Variants in POU2F1 observed in about 807,000 individuals in gnomAD.
The protein encoded by POU2F1 is POU class 2 homeobox 1.
Under a neutral mutation model 84.9 loss-of-function variants are expected in POU2F1, and 16 were observed. The observed-to-expected ratio is 0.19, with a 90% confidence interval of 0.13 to 0.29. The LOEUF (loss-of-function observed/expected upper bound fraction) is 0.29, where lower values mean the gene tolerates loss of function less well. Ranked by LOEUF, POU2F1 falls within the 10% of genes least tolerant of loss-of-function variation. The pLI is 1.00. For synonymous variants in POU2F1, 368 were observed against 368.3 expected (o/e 1.00, Z 0.01); for missense variants, 738 against 942.6 (o/e 0.78, Z 2.84).
At chr1:167,312,063 T>C (rs1484813699) in intron 1 of POU2F1, among the ~76,000 whole-genome samples, 1 of 151,812 alleles carries the variant, frequency 6.6e-6, no homozygotes, top group East Asian at 1.9e-4. Flanking sequence ...GCCTCCTGAG[T>C]AACTGGAATT....
intron 1 of POU2F1, among the ~76,000 whole-genome samples, chr1:167,227,043 C>CCCGGGG: frequency 6.6e-6 from 1 of 152,146 alleles, no homozygotes; most frequent in Non-Finnish European, 1.5e-5. Context: ...ACTGTGGCCT[C>CCCGGGG]CCCAAGTGCT....
intron 3 of POU2F1, among the ~76,000 whole-genome samples, chr1:167,368,204 A>G (rs990669581): frequency 3.9e-5 from 6 of 152,146 alleles, no homozygotes; most frequent in African/African-American, 1.4e-4. Context: ...CTTTCATGAT[A>G]TTGGCATTTT....
At chr1:167,324,059 G>A (rs939298444) in intron 1 of POU2F1, among the ~76,000 whole-genome samples, 2 of 152,132 alleles carry the variant, frequency 1.3e-5, no homozygotes, top group East Asian at 3.8e-4. Flanking sequence ...TGATGTTTCT[G>A]TGAAAATTAA....
intron 1 of POU2F1, among the ~76,000 whole-genome samples, chr1:167,269,874 A>G (rs1328033100): frequency 6.7e-6 from 1 of 150,146 alleles, no homozygotes; most frequent in Admixed American, 6.7e-5. Context: ...AGATCCCGCC[A>G]CTGCACTCCA....
At chr1:167,280,280 A>G (rs1653038686) in intron 1 of POU2F1, among the ~76,000 whole-genome samples, 2 of 151,340 alleles carry the variant, frequency 1.3e-5, no homozygotes, top group Admixed American at 6.6e-5. Flanking sequence ...AGTGGACATG[A>G]TATGTAGCAA....
chr1:167,266,010 G>T (rs1014412849), intron 1 of POU2F1, among the ~76,000 whole-genome samples: 13 of 152,194 alleles, frequency 8.5e-5, no homozygotes, highest in African/African-American at 2.7e-4. Context: ...TGATTAGAAT[G>T]GTTGCACTTT....
intron 9 of POU2F1, among the ~76,000 whole-genome samples, chr1:167,390,225 A>G (rs1182964316): frequency 6.6e-6 from 1 of 152,076 alleles, no homozygotes; most frequent in Non-Finnish European, 1.5e-5. Flanking sequence ...TTTAAACTGC[A>G]CCTTTTTGTT....
At chr1:167,302,306 G>C (rs1335475419) in intron 1 of POU2F1, among the ~76,000 whole-genome samples, 3 of 151,358 alleles carry the variant, frequency 2.0e-5, no homozygotes, top group Non-Finnish European at 2.9e-5. Context: ...GTGTCACCAG[G>C]TTGGAGTGCA....
intron 1 of POU2F1, among the ~76,000 whole-genome samples, chr1:167,235,385 C>G (rs1167073787): frequency 3.3e-5 from 5 of 152,166 alleles, no homozygotes; most frequent in African/African-American, 1.2e-4. Context: ...TTATGAGAGA[C>G]ATGTTCAACA....
intron 2 of POU2F1, among the ~76,000 whole-genome samples, chr1:167,355,449 C>G (rs1335943515): frequency 2.0e-5 from 3 of 152,126 alleles, no homozygotes; most frequent in Non-Finnish European, 4.4e-5. Context: ...ATCCACGTCT[C>G]CATGTTTTAA....
At chr1:167,353,553 A>G (rs1052288614) in intron 2 of POU2F1, among the ~76,000 whole-genome samples, 1 of 151,362 alleles carries the variant, frequency 6.6e-6, no homozygotes, top group East Asian at 1.9e-4. Context: ...CTTTCCTTCC[A>G]CCCTATCTGC....
At chr1:167,358,479 C>T (rs1433426554) in intron 2 of POU2F1, among the ~76,000 whole-genome samples, 3 of 151,824 alleles carry the variant, frequency 2.0e-5, no homozygotes, top group African/African-American at 7.3e-5. Context: ...TTATTTGTTC[C>T]TTGAATTTTT....
rs906451468 is a variant in POU2F1 at position 167,419,191 on chromosome 1, T to C, written c.*3381T>C. ...AGCTAAGATACTCAAATTTAACTTTTAGCCACCTTATATGGGAGAGCCTGG... is the reference window on the plus strand; with the variant it reads ...AGCTAAGATACTCAAATTTAACTTTCAGCCACCTTATATGGGAGAGCCTGG... On this transcript the variant is annotated 3_prime_UTR_variant, in exon 16 of 16. Coordinates refer to ENST00000367866, the MANE Select transcript of POU2F1 (RefSeq NM_002697.4). 3 of 152,216 alleles carry C rather than the reference T, an allele frequency of 2.0e-5. No homozygotes were observed. Among genetic ancestry groups the C allele is most frequent in the African/African-American group, 2.4e-5 (1 of 41,446 alleles). The allele number at this position is 152,216 out of a possible 1,614,324, so 9.4% of individuals were successfully genotyped here. A position where few individuals can be genotyped will look rare whatever the true frequency, so the allele number is the denominator to read the frequency against.
At position 167,253,778 on chromosome 1, in the gene POU2F1, C is replaced by T. The variant is rs186131602; in HGVS notation, c.61+32820C>T. 1.4e-4 allele frequency among the ~76,000 whole-genome samples: 21 copies of T among 152,198 alleles called. No homozygotes were observed. In the East Asian group the frequency reaches 4.1e-3, roughly 29 times the overall value. ...AGTTTATCTTAGGTCCTCCTTCCCC[C>T]ATACCCCATTTTAATTTGGTGCCAG... On this transcript the variant is annotated intron_variant, in intron 1 of 15. Transcript: ENST00000367866.
chr1:167,253,387 C>CCA (rs1553198382), intron 1 of POU2F1, among the ~76,000 whole-genome samples: 3 of 124,280 alleles, frequency 2.4e-5, no homozygotes, highest in African/African-American at 9.1e-5. Flanking sequence ...CCCCCCCCCC[C>CCA]CCAAACACAC....
chr1:167,365,806 T>C (rs112723098), intron 3 of POU2F1, among the ~76,000 whole-genome samples: 5 of 152,372 alleles, frequency 3.3e-5, no homozygotes, highest in African/African-American at 1.2e-4. Context: ...ATGGAATGTG[T>C]ATAACAACTG....
intron 1 of POU2F1, among the ~76,000 whole-genome samples, chr1:167,240,356 G>A (rs1197029919): frequency 1.3e-5 from 2 of 152,134 alleles, no homozygotes; most frequent in African/African-American, 4.8e-5. Flanking sequence ...TGTATGCTTT[G>A]GTAGGGCAGT....
intron 13 of POU2F1, among the ~76,000 whole-genome samples, chr1:167,404,574 C>CA (rs1230919835): frequency 1.3e-5 from 2 of 152,120 alleles, no homozygotes; most frequent in African/African-American, 2.4e-5. Context: ...TATTTTCTTT[C>CA]AAGAGTAGGT....
At chr1:167,260,318 T>G (rs913601884) in intron 1 of POU2F1, among the ~76,000 whole-genome samples, 2 of 152,250 alleles carry the variant, frequency 1.3e-5, no homozygotes, top group Non-Finnish European at 2.9e-5. Context: ...TTTCCCAGTC[T>G]GTGATTCATC....
Sources: allele counts gnomAD v4.1 joint callset (sites outside exome capture counted in the v4.1 genomes callset), GRCh38; gene constraint gnomAD v4.1.1; transcripts MANE v1.5; gene names NCBI Gene and HGNC (gene_info 2026-07-23, HGNC 2026-07-21).